Variants in ABHD17C observed in about 807,000 individuals in gnomAD.
The protein encoded by ABHD17C is alpha/beta hydrolase domain-containing protein 17C.
A neutral mutation model predicts 27.9 loss-of-function variants in ABHD17C; 11 were observed. The observed-to-expected ratio is 0.39, with a 90% CI of 0.25 to 0.65. The LOEUF is 0.65. ABHD17C is among the 30% of genes least tolerant of loss of function. ABHD17C has a pLI of 0.45. For synonymous variants in ABHD17C, 233 were observed against 209.1 expected (o/e 1.11, Z -0.98); for missense variants, 280 against 470.2 (o/e 0.60, Z 3.74).
intron 1 of ABHD17C, among the ~76,000 whole-genome samples, chr15:80,710,776 AT>A (rs1467968812): frequency 6.6e-6 from 1 of 151,156 alleles, no homozygotes; most frequent in East Asian, 2.0e-4. Flanking sequence ...GGGTCTCACT[AT>A]GTTGTCCAGG....
intron 1 of ABHD17C, among the ~76,000 whole-genome samples, chr15:80,746,947 A>G (rs545690355): frequency 2.0e-5 from 3 of 152,204 alleles, no homozygotes; most frequent in Non-Finnish European, 2.9e-5. Context: ...ACCAGATTTT[A>G]TCAAAGAAGG....
chr15:80,738,832 GAACA>G (rs113954125), intron 1 of ABHD17C, among the ~76,000 whole-genome samples: 1,904 of 152,210 alleles, frequency 0.013, 35 homozygotes, highest in African/African-American at 0.044. Context: ...GGGGGCAAAT[GAACA>G]AACATTTTAG....
intron 1 of ABHD17C, among the ~76,000 whole-genome samples, chr15:80,733,775 A>G (rs1895088085): frequency 6.6e-6 from 1 of 152,220 alleles, no homozygotes; most frequent in Non-Finnish European, 1.5e-5. Context: ...TCCTACAAAG[A>G]GATAAAACAA....
intron 1 of ABHD17C, among the ~76,000 whole-genome samples, chr15:80,724,334 C>T (rs1265533609): frequency 1.3e-5 from 2 of 152,060 alleles, no homozygotes; most frequent in Non-Finnish European, 2.9e-5. Flanking sequence ...TCTCCTCCTT[C>T]CCCGTCCCCT....
chr15:80,714,107 C>T (rs1894771098), intron 1 of ABHD17C, among the ~76,000 whole-genome samples: 1 of 152,128 alleles, frequency 6.6e-6, no homozygotes, highest in African/African-American at 2.4e-5. Flanking sequence ...GTGCAGGGCA[C>T]CTCACCTGGC....
intron 1 of ABHD17C, among the ~76,000 whole-genome samples, chr15:80,728,234 C>T (rs758620593): frequency 2.6e-5 from 4 of 152,158 alleles, no homozygotes; most frequent in Admixed American, 6.5e-5. Flanking sequence ...CAAGCACCTG[C>T]TGTTAAGGAG....
intron 1 of ABHD17C, among the ~76,000 whole-genome samples, chr15:80,699,547 CT>C (rs1353899475): frequency 6.6e-6 from 1 of 152,158 alleles, no homozygotes. Context: ...CTTTGTATGT[CT>C]CTACATCTTT....
chr15:80,741,724 C>T (rs569255395), intron 1 of ABHD17C, among the ~76,000 whole-genome samples: 59 of 152,234 alleles, frequency 3.9e-4, no homozygotes, highest in Admixed American at 5.9e-4. Flanking sequence ...CAGCAGTTGT[C>T]TGTTTTCTTA....
At chr15:80,732,074 C>A (rs1050639968) in intron 1 of ABHD17C, among the ~76,000 whole-genome samples, 12 of 152,142 alleles carry the variant, frequency 7.9e-5, no homozygotes, top group Admixed American at 7.9e-4. Context: ...TGGGGACAGA[C>A]TCCTTCCAAA....
At chr15:80,720,691 C>G (rs1894882956) in intron 1 of ABHD17C, among the ~76,000 whole-genome samples, 1 of 152,128 alleles carries the variant, frequency 6.6e-6, no homozygotes, top group Admixed American at 6.5e-5. Flanking sequence ...GAGGCCTAGG[C>G]AGGCGGATCA....
chr15:80,717,315 A>G (rs1894818145), intron 1 of ABHD17C, among the ~76,000 whole-genome samples: 1 of 148,418 alleles, frequency 6.7e-6, no homozygotes, highest in South Asian at 2.1e-4. Context: ...CCTCATCCAT[A>G]TTAAGTTTGA....
chr15:80,704,538 A>G (rs551230320), intron 1 of ABHD17C: 1 of 151,386 alleles, frequency 6.6e-6, no homozygotes, highest in Non-Finnish European at 1.5e-5. Context: ...TTAAAGGATA[A>G]TAATAATAAT....
At chr15:80,696,417 C>T (rs955039943) in intron 1 of ABHD17C, among the ~76,000 whole-genome samples, 1 of 152,248 alleles carries the variant, frequency 6.6e-6, no homozygotes, top group Non-Finnish European at 1.5e-5. Context: ...TTGGGCAAGG[C>T]ACATGGGTTT....
At chr15:80,754,027 A>G (rs1895399702) in intron 2 of ABHD17C, 124 bp from the exon 3 acceptor site, 1 of 809,972 alleles carries the variant, frequency 1.2e-6, no homozygotes, top group East Asian at 2.7e-5. Flanking sequence ...AACAAACAAA[A>G]AAAACCCACG....
At chr15:80,750,057 G>A (rs1895345045) in intron 2 of ABHD17C, among the ~76,000 whole-genome samples, 1 of 152,184 alleles carries the variant, frequency 6.6e-6, no homozygotes, top group African/African-American at 2.4e-5. Flanking sequence ...ATCTTGAGCT[G>A]TATACAATAT....
chr15:80,752,798 C>T (rs574527275), intron 2 of ABHD17C, among the ~76,000 whole-genome samples: 19 of 152,260 alleles, frequency 1.2e-4, no homozygotes, highest in South Asian at 6.2e-4. Context: ...ACTGTTATCC[C>T]GATCAGAGAA....
intron 1 of ABHD17C, among the ~76,000 whole-genome samples, chr15:80,726,979 G>T (rs1894989375): frequency 6.6e-6 from 1 of 152,180 alleles, no homozygotes; most frequent in African/African-American, 2.4e-5. Flanking sequence ...TGTGTCTGTA[G>T]CTGCCTAGTG....
rs768553529 is a variant in ABHD17C, at chr15:80,754,362, A to G, written c.982A>G (p.Asn328Asp). The G allele has an allele frequency of 3.1e-6, 5 of 1,611,598 alleles. No individual in the cohort carries two copies. The highest frequency in any genetic ancestry group is 2.2e-5 in the East Asian group (1 of 44,852). Residue 328 changes from asparagine to aspartate, a missense_variant, in exon 3 of 3, where the codon AAT becomes GAT. This residue lies in a region of ABHD17C where 206 missense variants were observed against 394.7 expected (regional missense o/e 0.52). Coordinates refer to ENST00000258884, the MANE Select transcript of ABHD17C (RefSeq NM_021214.2). ...LKQFISHELP[N>D]S is the part of the protein sequence containing the mutation. ...ACAGTTCATATCTCACGAACTTCCT[A>G]ATTCCTGAAGACAACAACTTGATCT...
chr15:80,726,501 G>GTTTTT (rs10572505), intron 1 of ABHD17C, among the ~76,000 whole-genome samples: 1 of 94,508 alleles, frequency 1.1e-5, no homozygotes, highest in Non-Finnish European at 1.8e-5. Context: ...TCTTTTTCTG[G>GTTTTT]TTTTTTTTTT....
Sources: gnomAD v4.1 joint callset for allele counts (sites outside exome capture counted in the v4.1 genomes callset) on GRCh38, gnomAD v4.1.1 for gene constraint, gnomAD v4.1.1 regional missense constraint, MANE v1.5 for transcripts, NCBI Gene and HGNC (gene_info 2026-07-23, HGNC 2026-07-21) for gene names.